Variants in CNTN4 observed in about 807,000 individuals in gnomAD.
CNTN4 encodes contactin-4.
CNTN4 carries 77 observed loss-of-function variants against 122.5 expected under a neutral mutation model. That is an observed-to-expected ratio of 0.63 (90% confidence interval 0.52 to 0.76). CNTN4 has a LOEUF of 0.76. Ranked by LOEUF, CNTN4 falls within the 30% of genes least tolerant of loss-of-function variation. CNTN4 has a pLI of 0.00. For synonymous variants in CNTN4, 512 were observed against 447.0 expected (o/e 1.15, Z -1.83); for missense variants, 1,256 against 1,259.1 (o/e 1.00, Z 0.04).
At chr3:2,644,677 A>G (rs934940366) in intron 4 of CNTN4, among the ~76,000 whole-genome samples, 2 of 150,160 alleles carry the variant, frequency 1.3e-5, no homozygotes, top group South Asian at 2.2e-4. Context: ...GGGTCTGTCT[A>G]TAGAGGAGTC....
chr3:3,037,367 G>A (rs1275200722), intron 18 of CNTN4, 39 bp downstream of exon 18: 1 of 1,613,706 alleles, frequency 6.2e-7, no homozygotes, highest in Non-Finnish European at 8.5e-7. Flanking sequence ...TGTTCTGCCA[G>A]CTGCTGTTCC....
chr3:2,765,775 A>G (rs2090831071), intron 6 of CNTN4, among the ~76,000 whole-genome samples: 1 of 152,188 alleles, frequency 6.6e-6, no homozygotes, highest in South Asian at 2.1e-4. Flanking sequence ...CTAATTCCTT[A>G]TTCAAGAAAT....
chr3:2,772,990 A>G (rs1397435368), intron 6 of CNTN4, among the ~76,000 whole-genome samples: 1 of 152,196 alleles, frequency 6.6e-6, no homozygotes, highest in Non-Finnish European at 1.5e-5. Flanking sequence ...GAGAAATCAG[A>G]TAAGATAAGG....
At chr3:2,368,950 A>G (rs1410804605) in intron 3 of CNTN4, among the ~76,000 whole-genome samples, 1 of 152,134 alleles carries the variant, frequency 6.6e-6, no homozygotes, top group Non-Finnish European at 1.5e-5. Context: ...TTTGAGATGG[A>G]GTCTCACTCT....
intron 2 of CNTN4, among the ~76,000 whole-genome samples, chr3:2,338,297 A>T (rs1409217582): frequency 2.6e-5 from 4 of 152,040 alleles, no homozygotes; most frequent in Non-Finnish European, 5.9e-5. Context: ...TCAGCCAGAG[A>T]AGGCATACAC....
chr3:2,269,463 A>G (rs749211896), intron 2 of CNTN4, among the ~76,000 whole-genome samples: 21 of 152,076 alleles, frequency 1.4e-4, no homozygotes, highest in Non-Finnish European at 1.5e-5. Context: ...TGATTAGTTT[A>G]CCAGACTAAG....
At chr3:2,681,580 G>A (rs1410104956) in intron 4 of CNTN4, among the ~76,000 whole-genome samples, 3 of 152,080 alleles carry the variant, frequency 2.0e-5, no homozygotes, top group Non-Finnish European at 4.4e-5. Flanking sequence ...ACCTAGATAT[G>A]TAGGTTGTAC....
intron 3 of CNTN4, among the ~76,000 whole-genome samples, chr3:2,442,859 A>G (rs1431273091): frequency 6.6e-6 from 1 of 152,166 alleles, no homozygotes; most frequent in Non-Finnish European, 1.5e-5. Context: ...TTCCAAGTTT[A>G]ATTTTCAACT....
At chr3:2,214,883 A>G (rs573151680) in intron 2 of CNTN4, among the ~76,000 whole-genome samples, 7 of 152,336 alleles carry the variant, frequency 4.6e-5, no homozygotes, top group African/African-American at 1.7e-4. Flanking sequence ...TCAAAAAGAG[A>G]AAGTTTTGCA....
chr3:2,361,535 T>G (rs950259984), intron 3 of CNTN4, among the ~76,000 whole-genome samples: 1 of 152,192 alleles, frequency 6.6e-6, no homozygotes, highest in Admixed American at 6.5e-5. Flanking sequence ...GGTCATTCTG[T>G]GACTTTGGCA....
chr3:2,501,811 C>A (rs1575782348), intron 3 of CNTN4, among the ~76,000 whole-genome samples: 4 of 152,238 alleles, frequency 2.6e-5, no homozygotes, highest in Admixed American at 2.6e-4. Flanking sequence ...CCTCCCAAAT[C>A]TGAAACTTTT....
chr3:3,006,976 G>A (rs1452086747), intron 14 of CNTN4, among the ~76,000 whole-genome samples: 2 of 152,148 alleles, frequency 1.3e-5, no homozygotes, highest in African/African-American at 2.4e-5. Context: ...TTATCCAAGA[G>A]CAATGTCTCC....
chr3:2,458,929 G>C (rs2151419504), intron 3 of CNTN4, among the ~76,000 whole-genome samples: 1 of 152,250 alleles, frequency 6.6e-6, no homozygotes, highest in South Asian at 2.1e-4. Context: ...CTGTACATTA[G>C]ACTGTACAAT....
At chr3:3,014,721 T>C (rs114760768) in intron 14 of CNTN4, among the ~76,000 whole-genome samples, 3,032 of 151,836 alleles carry the variant, frequency 0.02, 99 homozygotes, top group African/African-American at 0.07. Context: ...TCCACCTCCA[T>C]TACCCTTTAT....
At chr3:2,522,294 T>G (rs1156940642) in intron 3 of CNTN4, among the ~76,000 whole-genome samples, 1 of 152,044 alleles carries the variant, frequency 6.6e-6, no homozygotes, top group Non-Finnish European at 1.5e-5. Context: ...ATGATTCAAA[T>G]TGATGTAGTA....
intron 6 of CNTN4, among the ~76,000 whole-genome samples, chr3:2,779,522 T>A (rs2091484626): frequency 6.6e-6 from 1 of 152,162 alleles, no homozygotes; most frequent in Non-Finnish European, 1.5e-5. Flanking sequence ...TTTTATTTTA[T>A]TTTTTAGTTA....
At chr3:2,672,669 A>T (rs1479878688) in intron 4 of CNTN4, among the ~76,000 whole-genome samples, 1 of 152,218 alleles carries the variant, frequency 6.6e-6, no homozygotes. Context: ...GAAATGCAGA[A>T]ATCATTCGTC....
chr3:2,400,426 TAC>T (rs1171522691), intron 3 of CNTN4, among the ~76,000 whole-genome samples: 2,084 of 71,002 alleles, frequency 0.029, 77 homozygotes, highest in African/African-American at 0.033. Context: ...TATATATATA[TAC>T]ATATATATAT....
intron 3 of CNTN4, among the ~76,000 whole-genome samples, chr3:2,540,008 C>G (rs925854694): frequency 3.3e-5 from 5 of 151,458 alleles, no homozygotes; most frequent in African/African-American, 1.2e-4. Context: ...ATACAGGTAT[C>G]TATTATTAAA....
Sources: gnomAD v4.1 joint callset for allele counts (sites outside exome capture counted in the v4.1 genomes callset) on GRCh38, gnomAD v4.1.1 for gene constraint, MANE v1.5 for transcripts, NCBI Gene and HGNC (gene_info 2026-07-23, HGNC 2026-07-21) for gene names.